The following MACROD2 variants were observed in gnomAD, a reference collection of about 807,000 sequenced individuals.
The protein encoded by MACROD2 is mono-ADP ribosylhydrolase 2.
A neutral mutation model predicts 70.4 loss-of-function variants in MACROD2; 36 were observed. The observed-to-expected ratio is 0.51, with a 90% CI of 0.39 to 0.68. The LOEUF (loss-of-function observed/expected upper bound fraction) is 0.68. MACROD2 is among the 30% of genes least tolerant of loss of function. The probability of loss-of-function intolerance (pLI) is 0.00; values close to 1 mark genes in which losing one functional copy is unlikely to be tolerated. For missense variants in MACROD2, 496 were observed against 538.4 expected, an observed-to-expected ratio of 0.92 and a Z score of 0.78; for synonymous variants, 172 against 178.8, an observed-to-expected ratio of 0.96 and a Z score of 0.30.
At position 15,206,350 on chromosome 20, in the gene MACROD2, G is replaced by C. The variant is rs1172643959; in HGVS notation, c.419-23590G>C. Among the ~76,000 whole-genome samples, 3 of 152,028 alleles carry C rather than the reference G, an allele frequency of 2.0e-5. No homozygotes were observed. In the South Asian group the frequency reaches 6.2e-4, roughly 32 times the overall value. ...TTATGTTCTACTTTGAAAATCATAG[G>C]TTGGAACTTACATGGAGCTATTGCT... On this transcript the variant is annotated intron_variant, in intron 5 of 17. Transcript: ENST00000684519.
At chr20:14,975,219 A>G (rs1186264780) in intron 5 of MACROD2, among the ~76,000 whole-genome samples, 1 of 152,154 alleles carries the variant, frequency 6.6e-6, no homozygotes. Flanking sequence ...CACTGATTAG[A>G]GGCTGGACAA....
At chr20:14,335,643 G>A (rs1408534842) in intron 3 of MACROD2, among the ~76,000 whole-genome samples, 1 of 152,088 alleles carries the variant, frequency 6.6e-6, no homozygotes, top group Admixed American at 6.5e-5. Context: ...AGGGTGGGGT[G>A]CAGCGAAATG....
At chr20:15,127,494 A>C (rs2076075272) in intron 5 of MACROD2, among the ~76,000 whole-genome samples, 3 of 152,048 alleles carry the variant, frequency 2.0e-5, no homozygotes, top group African/African-American at 7.2e-5. Context: ...CTGGCTCAGA[A>C]CCTCTCTTAT....
At chr20:14,395,316 G>A (rs2083569695) in intron 3 of MACROD2, among the ~76,000 whole-genome samples, 1 of 152,044 alleles carries the variant, frequency 6.6e-6, no homozygotes, top group African/African-American at 2.4e-5. Flanking sequence ...TTTGAGCAAG[G>A]TTTGGTAGTT....
At chr20:15,454,554 G>A (rs1196382824) in intron 7 of MACROD2, among the ~76,000 whole-genome samples, 1 of 151,848 alleles carries the variant, frequency 6.6e-6, no homozygotes, top group African/African-American at 2.4e-5. Context: ...CTCTGTTTAG[G>A]TCTCATTTAC....
chr20:14,415,351 A>G lies in MACROD2; in HGVS notation c.272-78128A>G, dbSNP rs74706432. Among the ~76,000 whole-genome samples, 376 of 152,322 alleles carry G rather than the reference A, an allele frequency of 2.5e-3. 3 individuals carry two copies. Among genetic ancestry groups the G allele is most frequent in the African/African-American group, 8.6e-3 (356 of 41,562 alleles). On this transcript the variant is annotated intron_variant, in intron 3 of 17. Transcript: ENST00000684519. Reference sequence around the variant, plus strand: ...CATCTTTTGAATTTTACAGTTGAACATAACTTCTAATTTCTCCTAAATATT... The same window carrying G: ...CATCTTTTGAATTTTACAGTTGAACGTAACTTCTAATTTCTCCTAAATATT...
intron 6 of MACROD2, among the ~76,000 whole-genome samples, chr20:15,322,465 C>T (rs1265795401): frequency 1.4e-5 from 2 of 143,726 alleles, no homozygotes; most frequent in Non-Finnish European, 3.1e-5. Flanking sequence ...CAAAATTAAT[C>T]AGAACCAGAC....
At chr20:15,024,930 T>A (rs1568537268) in intron 5 of MACROD2, among the ~76,000 whole-genome samples, 1 of 152,194 alleles carries the variant, frequency 6.6e-6, no homozygotes, top group Non-Finnish European at 1.5e-5. Flanking sequence ...TAGGGAGTTC[T>A]TATTTCCCCC....
intron 3 of MACROD2, among the ~76,000 whole-genome samples, chr20:14,435,955 C>G (rs183098361): frequency 1.9e-3 from 286 of 152,274 alleles, no homozygotes; most frequent in Non-Finnish European, 2.0e-3. Context: ...GATCCACCTA[C>G]CTCAGCCTCC....
intron 5 of MACROD2, among the ~76,000 whole-genome samples, chr20:15,214,493 G>A (rs2076791691): frequency 6.6e-6 from 1 of 152,108 alleles, no homozygotes; most frequent in African/African-American, 2.4e-5. Context: ...TTCAAGACCA[G>A]CATGGTCATC....
chr20:14,260,109 T>C (rs2082090004), intron 3 of MACROD2, among the ~76,000 whole-genome samples: 1 of 152,144 alleles, frequency 6.6e-6, no homozygotes, highest in Non-Finnish European at 1.5e-5. Context: ...ATGCAAAACA[T>C]GGATATTAGT....
chr20:16,024,497 TCACACA>T (rs145103665), intron 15 of MACROD2, among the ~76,000 whole-genome samples: 1 of 150,656 alleles, frequency 6.6e-6, no homozygotes. Context: ...GCAGCCATGT[TCACACA>T]CACACACACA....
At chr20:15,378,140 G>GA (rs1473469579) in intron 6 of MACROD2, among the ~76,000 whole-genome samples, 2 of 134,192 alleles carry the variant, frequency 1.5e-5, no homozygotes, top group South Asian at 2.3e-4. Flanking sequence ...TAAGCTATAA[G>GA]AAAAAAATAA....
intron 8 of MACROD2, among the ~76,000 whole-genome samples, chr20:15,613,723 G>A (rs976970568): frequency 2.4e-4 from 36 of 152,184 alleles, no homozygotes; most frequent in Non-Finnish European, 1.2e-4. Flanking sequence ...TTTTGACTTC[G>A]AAATGTTTGT....
intron 3 of MACROD2, among the ~76,000 whole-genome samples, chr20:14,480,079 C>G (rs904404262): frequency 1.3e-4 from 19 of 151,990 alleles, no homozygotes; most frequent in African/African-American, 4.4e-4. Flanking sequence ...GAGACAGAGT[C>G]TCTCTATGTT....
chr20:15,494,782 C>T (rs117950717), intron 7 of MACROD2, among the ~76,000 whole-genome samples: 7,215 of 147,624 alleles, frequency 0.049, 280 homozygotes, highest in Non-Finnish European at 0.069. Context: ...TGTGTGCGCG[C>T]GTGTGTGCAG....
At chr20:14,674,026 G>A (rs1163877119) in intron 4 of MACROD2, among the ~76,000 whole-genome samples, 1 of 151,072 alleles carries the variant, frequency 6.6e-6, no homozygotes, top group African/African-American at 2.4e-5. Context: ...TTTATAAAAT[G>A]TAATACATTA....
chr20:15,832,654 G>A (rs939173240), intron 8 of MACROD2, among the ~76,000 whole-genome samples: 10 of 152,138 alleles, frequency 6.6e-5, no homozygotes, highest in African/African-American at 2.4e-4. Flanking sequence ...AGGAAGCTAC[G>A]GGGCCATGTC....
At chr20:15,377,066 A>G (rs1371469625) in intron 6 of MACROD2, among the ~76,000 whole-genome samples, 1 of 151,862 alleles carries the variant, frequency 6.6e-6, no homozygotes, top group Non-Finnish European at 1.5e-5. Flanking sequence ...AATTTTTTGT[A>G]TTTTTAGTAG....
Sources: allele counts gnomAD v4.1 joint callset (sites outside exome capture counted in the v4.1 genomes callset), GRCh38; gene constraint gnomAD v4.1.1; transcripts MANE v1.5; gene names NCBI Gene and HGNC (gene_info 2026-07-23, HGNC 2026-07-21).